Variants in G2E3 observed in about 807,000 individuals in gnomAD.
G2E3 encodes G2/M phase-specific E3 ubiquitin-protein ligase.
In G2E3, 35 loss-of-function variants were observed where a neutral mutation model predicts 92.8. The observed-to-expected ratio is 0.38, with a 90% CI of 0.29 to 0.50. The LOEUF (loss-of-function observed/expected upper bound fraction) is 0.50, where lower values mean the gene tolerates loss of function less well. G2E3 is among the 20% of genes least tolerant of loss of function. G2E3 has a pLI of 0.94. For missense variants in G2E3, 554 were observed against 823.8 expected, an observed-to-expected ratio of 0.67 and a Z score of 4.01; for synonymous variants, 242 against 272.4, an observed-to-expected ratio of 0.89 and a Z score of 1.10.
chr14:30,601,194 C>G (rs1486709644), intron 8 of G2E3, among the ~76,000 whole-genome samples: 1 of 152,180 alleles, frequency 6.6e-6, no homozygotes, highest in African/African-American at 2.4e-5. Context: ...GAGCCCTACA[C>G]TACAGCCCAC....
At chr14:30,591,616 C>A (rs1023059828) in intron 4 of G2E3, among the ~76,000 whole-genome samples, 1 of 152,174 alleles carries the variant, frequency 6.6e-6, no homozygotes, top group African/African-American at 2.4e-5. Flanking sequence ...GGCAGCATAA[C>A]TCCAATCTGT....
In G2E3 at chr14:30,618,756, G is replaced by A. The variant is rs1021100412; in HGVS notation, c.*2222G>A. 1 of 152,066 alleles carries A rather than the reference G, an allele frequency of 6.6e-6. No homozygotes were observed. The highest frequency in any genetic ancestry group is 2.4e-5 in the African/African-American group (1 of 41,444). 9.4% of individuals were successfully genotyped at this position (152,066 alleles called of 1,614,324 possible). On this transcript the variant is annotated 3_prime_UTR_variant, in exon 15 of 15. Coordinates refer to ENST00000206595, the MANE Select transcript of G2E3 (RefSeq NM_017769.5). ...TAATCTGTATGGTCAAGGAATATCA[G>A]AGAAACCTGTAGGTTATTTATTTTC...
intron 8 of G2E3, among the ~76,000 whole-genome samples, chr14:30,598,945 G>A (rs1881424940): frequency 6.6e-6 from 1 of 152,124 alleles, no homozygotes; most frequent in Non-Finnish European, 1.5e-5. Context: ...AGTTCACTAG[G>A]GCTGCCATTA....
chr14:30,577,223 C>CAAAAAAA (rs59757142), intron 1 of G2E3, among the ~76,000 whole-genome samples: 23 of 80,508 alleles, frequency 2.9e-4, no homozygotes, highest in Admixed American at 5.8e-4. Flanking sequence ...GACTCTGTCT[C>CAAAAAAA]AAAAAAAAAA....
intron 1 of G2E3, among the ~76,000 whole-genome samples, chr14:30,571,983 T>C (rs1879793409): frequency 6.6e-6 from 1 of 151,970 alleles, no homozygotes; most frequent in Admixed American, 6.6e-5. Flanking sequence ...TGGTTGGGAT[T>C]GTGTTAAATT....
intron 6 of G2E3, among the ~76,000 whole-genome samples, chr14:30,596,929 G>C (rs1881319424): frequency 6.6e-6 from 1 of 152,130 alleles, no homozygotes; most frequent in African/African-American, 2.4e-5. Flanking sequence ...AGTACCCTCT[G>C]TCTGGTGCTT....
At chr14:30,581,544 T>TA (rs1275400428) in intron 2 of G2E3, among the ~76,000 whole-genome samples, 1 of 152,062 alleles carries the variant, frequency 6.6e-6, no homozygotes, top group African/African-American at 2.4e-5. Flanking sequence ...TCATCTCTGC[T>TA]AAAAATACAA....
In G2E3 at chr14:30,593,582, T is replaced by C. The variant is rs762735432; in HGVS notation, c.471T>C (p.Tyr157=). ...CLEFIEPIPS[Y]NILRSPCCKN... ...AATTTATTGAGCCTATTCCAAGTTA[T>C]AACATATTACGAAGTCCTTGTTGTA... Residue 157 remains tyrosine, a synonymous_variant, in exon 6 of 15, where the codon TAT becomes TAC. Coordinates refer to ENST00000206595, the MANE Select transcript of G2E3 (RefSeq NM_017769.5). 1.7e-5 allele frequency: 27 copies of C among 1,604,288 alleles called. No individual in the cohort carries two copies. Among genetic ancestry groups the C allele is most frequent in the Non-Finnish European group, 2.2e-5 (26 of 1,171,546 alleles).
At chr14:30,604,316 T>C (rs73264353) in intron 10 of G2E3, among the ~76,000 whole-genome samples, 3,675 of 152,354 alleles carry the variant, frequency 0.024, 182 homozygotes, top group African/African-American at 0.083. Context: ...AAACCTGGCC[T>C]ACACTAGGGC....
intron 6 of G2E3, among the ~76,000 whole-genome samples, chr14:30,596,663 C>G (rs530560028): frequency 6.6e-6 from 1 of 152,138 alleles, no homozygotes; most frequent in Admixed American, 6.5e-5. Context: ...CATGTGTATA[C>G]TTAAAATACT....
chr14:30,604,738 C>CA (rs35199414), intron 10 of G2E3, among the ~76,000 whole-genome samples: 203 of 152,150 alleles, frequency 1.3e-3, no homozygotes, highest in Admixed American at 5.3e-3. Context: ...TGTAATCTCT[C>CA]AAAGACATTT....
At chr14:30,609,766 G>A (rs1882002149) in intron 12 of G2E3, among the ~76,000 whole-genome samples, 1 of 152,006 alleles carries the variant, frequency 6.6e-6, no homozygotes, top group African/African-American at 2.4e-5. Flanking sequence ...GTTTTTACCT[G>A]TTTGCCTTTT....
At chr14:30,575,031 A>C (rs1477227210) in intron 1 of G2E3, among the ~76,000 whole-genome samples, 3 of 152,140 alleles carry the variant, frequency 2.0e-5, no homozygotes, top group Non-Finnish European at 4.4e-5. Flanking sequence ...ACTAATTTAC[A>C]CTACCACCAA....
chr14:30,580,641 T>C (rs918306513), intron 1 of G2E3, among the ~76,000 whole-genome samples: 5 of 152,218 alleles, frequency 3.3e-5, no homozygotes, highest in African/African-American at 9.6e-5. Flanking sequence ...TTGATTGACA[T>C]AGGAGTTGTA....
rs1882379904 is a variant in G2E3, at chr14:30,617,741, A to G, written c.*1207A>G. ...TCTGTTTCCTTTATTTTTTAACTTTAATAATGCTACTAAAAGACAATACCT... is the reference window on the plus strand; with the variant it reads ...TCTGTTTCCTTTATTTTTTAACTTTGATAATGCTACTAAAAGACAATACCT... On this transcript the variant is annotated 3_prime_UTR_variant, in exon 15 of 15. Coordinates refer to ENST00000206595, the MANE Select transcript of G2E3 (RefSeq NM_017769.5). 6.6e-6 allele frequency: 1 copy of G among 152,222 alleles called. No individual in the cohort carries two copies. Among genetic ancestry groups the G allele is most frequent in the Non-Finnish European group, 1.5e-5 (1 of 67,940 alleles). The allele number at this position is 152,222 out of a possible 1,614,324, so 9.4% of individuals were successfully genotyped here. A position where few individuals can be genotyped will look rare whatever the true frequency, so the allele number is the denominator to read the frequency against.
At chr14:30,596,674 C>T (rs1475384061) in intron 6 of G2E3, among the ~76,000 whole-genome samples, 1 of 152,164 alleles carries the variant, frequency 6.6e-6, no homozygotes, top group Non-Finnish European at 1.5e-5. Context: ...TTAAAATACT[C>T]ACATACTTTT....
intron 12 of G2E3, chr14:30,611,423 A>G (rs1882081324): frequency 6.6e-6 from 1 of 152,148 alleles, no homozygotes; most frequent in Non-Finnish European, 1.5e-5. Flanking sequence ...TTGCAAGTAA[A>G]TTTTCTGTTA....
chr14:30,561,992 T>C (rs1879129264), intron 1 of G2E3, among the ~76,000 whole-genome samples: 1 of 152,162 alleles, frequency 6.6e-6, no homozygotes, highest in Non-Finnish European at 1.5e-5. Context: ...ACATTTCAAG[T>C]GGCAAAAAAT....
rs187075497 is a variant in G2E3 at position 30,577,594 on chromosome 14, C to A, written c.-4-3482C>A. 2.0e-5 allele frequency among the ~76,000 whole-genome samples: 3 copies of A among 152,290 alleles called. 1 individual carries two copies. Among genetic ancestry groups the A allele is most frequent in the Admixed American group, 2.0e-4 (3 of 15,304 alleles). On this transcript the variant is annotated intron_variant, in intron 1 of 14. Coordinates refer to ENST00000206595, the MANE Select transcript of G2E3 (RefSeq NM_017769.5). ...ACAGAAGGTAGAATGGCCTCCATTC[C>A]TTACCAACTGGGTGTCTCCATGGTG...
Sources: gnomAD v4.1 joint callset for allele counts (sites outside exome capture counted in the v4.1 genomes callset) on GRCh38, gnomAD v4.1.1 for gene constraint, MANE v1.5 for transcripts, NCBI Gene and HGNC (gene_info 2026-07-23, HGNC 2026-07-21) for gene names.